NHSL1: variants seen among roughly 807,000 people sequenced by gnomAD.
NHSL1 encodes the protein NHS like 1.
NHSL1 carries 48 observed loss-of-function variants against 95.0 expected under a neutral mutation model. That is an observed-to-expected ratio of 0.51 (90% CI 0.40 to 0.64). The LOEUF (loss-of-function observed/expected upper bound fraction) is 0.64, where lower values mean the gene tolerates loss of function less well. NHSL1 is among the 30% of genes least tolerant of loss of function. NHSL1 has a pLI of 0.00. For missense variants in NHSL1, 1,971 were observed against 2,077.7 expected (o/e 0.95, Z 1.00); for synonymous variants, 783 against 833.9 (o/e 0.94, Z 1.05).
chr6:138,631,733 G>A (rs1434575845), intron 1 of NHSL1, among the ~76,000 whole-genome samples: 1 of 152,128 alleles, frequency 6.6e-6, no homozygotes, highest in Non-Finnish European at 1.5e-5. Context: ...TACCTCAAGG[G>A]CCTTGGTGAG....
At chr6:138,474,734 A>C (rs1171004785) in intron 2 of NHSL1, among the ~76,000 whole-genome samples, 5 of 152,248 alleles carry the variant, frequency 3.3e-5, no homozygotes, top group Admixed American at 1.3e-4. Flanking sequence ...AATTTCTGAA[A>C]ATTCCAGAAC....
At chr6:138,451,070 GCTC>G (rs1777205433) in intron 3 of NHSL1, among the ~76,000 whole-genome samples, 1 of 152,038 alleles carries the variant, frequency 6.6e-6, no homozygotes, top group African/African-American at 2.4e-5. Context: ...AGATCATGTT[GCTC>G]CTCTGTTCAA....
chr6:138,553,267 G>T lies in NHSL1; in HGVS notation c.202+18443C>A, dbSNP rs1184906964. ...TAGGGTCTTGTACCTCTATTGTCTT[G>T]AATCAGGCTATTGCCTCCTTTGTCT... is the stretch of plus-strand genomic sequence containing the variant. On this transcript the variant is annotated intron_variant, in intron 1 of 6. Transcript: ENST00000427025. Among the ~76,000 whole-genome samples the T allele has an allele frequency of 3.3e-5, 5 of 152,152 alleles. 1 individual carries two copies. Among genetic ancestry groups the T allele is most frequent in the Admixed American group, 3.3e-4 (5 of 15,282 alleles).
chr6:138,661,314 G>A (rs1785224306), intron 1 of NHSL1, among the ~76,000 whole-genome samples: 1 of 152,006 alleles, frequency 6.6e-6, no homozygotes, highest in Non-Finnish European at 1.5e-5. Context: ...TAACACCACT[G>A]TACTCTCTGT....
chr6:138,496,449 T>C (rs564921722), intron 1 of NHSL1, 78 bp from the exon 2 acceptor site: 22 of 1,402,540 alleles, frequency 1.6e-5, no homozygotes, highest in Middle Eastern at 2.5e-4. Context: ...TGTGTTTCCA[T>C]GTCTAACACA....
At chr6:138,688,020 C>T (rs947753903) in intron 1 of NHSL1, among the ~76,000 whole-genome samples, 1 of 152,114 alleles carries the variant, frequency 6.6e-6, no homozygotes, top group Non-Finnish European at 1.5e-5. Context: ...GGCGCCATCT[C>T]GGGTCACTAC....
chr6:138,428,887 T>C (rs1394087225), intron 7 of NHSL1, among the ~76,000 whole-genome samples: 3 of 152,150 alleles, frequency 2.0e-5, no homozygotes, highest in African/African-American at 7.2e-5. Context: ...GGTAGAGAAG[T>C]CTAGAAGGAA....
chr6:138,564,067 A>AT (rs149735280), intron 1 of NHSL1, among the ~76,000 whole-genome samples: 9,311 of 150,668 alleles, frequency 0.062, 937 homozygotes, highest in African/African-American at 0.21. Context: ...CCCTGATCAA[A>AT]TTTTTTTTTT....
intron 1 of NHSL1, among the ~76,000 whole-genome samples, chr6:138,599,506 C>T (rs749449976): frequency 6.6e-6 from 1 of 151,118 alleles, no homozygotes; most frequent in African/African-American, 2.4e-5. Flanking sequence ...AGCAAGTCTC[C>T]GTCTCAAAAA....
intron 3 of NHSL1, among the ~76,000 whole-genome samples, chr6:138,469,030 A>G (rs1778576934): frequency 6.6e-6 from 1 of 152,194 alleles, no homozygotes; most frequent in South Asian, 2.1e-4. Flanking sequence ...TCTTTTTCAG[A>G]ACACATTACA....
intron 1 of NHSL1, among the ~76,000 whole-genome samples, chr6:138,682,621 T>C (rs1785526115): frequency 7.0e-6 from 1 of 142,782 alleles, no homozygotes; most frequent in African/African-American, 2.7e-5. Context: ...ACAGAATAAC[T>C]CAAAATACAG....
In NHSL1 at chr6:138,432,152, G is replaced by C. The variant is rs1167451267; in HGVS notation, c.2193C>G (p.Pro731=). Reference sequence around the variant, plus strand: ...TCTGGCTCCGGGAGCGGGGCAGCCAGGGCTCTTCCAAGTCACTGCAGGGGC... The same window carrying C: ...TCTGGCTCCGGGAGCGGGGCAGCCACGGCTCTTCCAAGTCACTGCAGGGGC... ...SQSPCSDLEE[P]WLPRSRSQST... is the part of the protein sequence containing the mutation. Residue 731 remains proline (P), a synonymous_variant, in exon 6 of 8, where the codon CCC becomes CCG. Coordinates refer to ENST00000343505, the MANE Select transcript of NHSL1 (RefSeq NM_001144060.2). This position sits in a 1 kb window ranked among gnomAD's most constrained non-coding sequence, Gnocchi z 4.4. 1 of 1,548,622 alleles carries C rather than the reference G, an allele frequency of 6.5e-7. No individual in the cohort carries two copies. The highest frequency in any genetic ancestry group is 1.2e-5 in the South Asian group (1 of 83,786).
chr6:138,439,787 C>T (rs1014239685), intron 5 of NHSL1, among the ~76,000 whole-genome samples: 4 of 151,690 alleles, frequency 2.6e-5, no homozygotes, highest in African/African-American at 7.3e-5. Context: ...CCAGATGATG[C>T]GGGGAAAGCT....
intron 1 of NHSL1, among the ~76,000 whole-genome samples, chr6:138,621,636 C>A (rs1419847163): frequency 2.0e-5 from 3 of 152,088 alleles, no homozygotes; most frequent in Non-Finnish European, 4.4e-5. Context: ...CCACGACCAG[C>A]TAATTTTTGA....
At chr6:138,586,096 A>G (rs888781691) in intron 1 of NHSL1, among the ~76,000 whole-genome samples, 2 of 149,044 alleles carry the variant, frequency 1.3e-5, no homozygotes, top group African/African-American at 4.9e-5. Context: ...TAATAGTGTC[A>G]AAACCTTTTT....
intron 1 of NHSL1, among the ~76,000 whole-genome samples, chr6:138,633,384 C>T (rs1314312794): frequency 6.6e-6 from 1 of 152,092 alleles, no homozygotes; most frequent in Non-Finnish European, 1.5e-5. Context: ...AAAAAGACCA[C>T]CTCAAGGCAG....
chr6:138,484,926 C>T (rs998525604), intron 2 of NHSL1, among the ~76,000 whole-genome samples: 1 of 152,120 alleles, frequency 6.6e-6, no homozygotes, highest in Non-Finnish European at 1.5e-5. Context: ...TTGTCACATG[C>T]CCAGATTAAT....
At chr6:138,485,726 T>C (rs1225809862) in intron 2 of NHSL1, among the ~76,000 whole-genome samples, 1 of 152,242 alleles carries the variant, frequency 6.6e-6, no homozygotes, top group Non-Finnish European at 1.5e-5. Flanking sequence ...GTCTGCTCTT[T>C]TCTTTTTCTC....
At chr6:138,466,011 A>G (rs1778342201) in intron 3 of NHSL1, among the ~76,000 whole-genome samples, 1 of 145,074 alleles carries the variant, frequency 6.9e-6, no homozygotes, top group Non-Finnish European at 1.5e-5. Context: ...GGCGTGTGCC[A>G]CTGCGCCTGG....
Sources: allele counts gnomAD v4.1 joint callset (sites outside exome capture counted in the v4.1 genomes callset), GRCh38; gene constraint gnomAD v4.1.1; non-coding constraint Gnocchi (gnomAD v3.1); transcripts MANE v1.5; gene names NCBI Gene and HGNC (gene_info 2026-07-23, HGNC 2026-07-21).